Variants in TNN observed in about 807,000 individuals in gnomAD.
TNN encodes tenascin N, also known as tenascin-N.
Under a neutral mutation model 134.4 loss-of-function variants are expected in TNN, and 122 were observed. The ratio of observed to expected loss-of-function variants is 0.91; its 90% CI spans 0.78 to 1.06. TNN has a LOEUF of 1.06. Ranked by LOEUF, TNN falls within the 50% of genes least tolerant of loss-of-function variation. The pLI is 0.00. For missense variants in TNN, 1,739 were observed against 1,699.4 expected, an observed-to-expected ratio of 1.02 and a Z score of -0.41; for synonymous variants, 710 against 670.3, an observed-to-expected ratio of 1.06 and a Z score of -0.91.
chr1:175,133,410 T>C (rs1310867844), intron 15 of TNN, among the ~76,000 whole-genome samples: 1 of 152,246 alleles, frequency 6.6e-6, no homozygotes, highest in East Asian at 1.9e-4. Context: ...CAGCCCTTGC[T>C]AAAATCACCA....
chr1:175,100,693 A>G (rs1011256127), intron 9 of TNN, among the ~76,000 whole-genome samples: 2 of 94,492 alleles, frequency 2.1e-5, no homozygotes, highest in African/African-American at 1.5e-4. Flanking sequence ...AGGACAAAGA[A>G]ATGCTAGTTT....
rs374073829 is a variant in TNN at position 175,135,885 on chromosome 1, A to G, written c.3371A>G (p.Lys1124Arg). ...AACACTGGGCAGCTGGATTTCTTCA[A>G]GCGATGGAGGAGCTATGTGGAAGGC... ...RRNTGQLDFF[K>R]RWRSYVEGFG... The change falls in exon 16 of 19, where the codon AAG (lysine) becomes AGG (arginine). Residue 1124 changes from lysine (K) to arginine (R), a missense_variant. Transcript: ENST00000239462. 6.2e-7 allele frequency: 1 copy of G among 1,613,938 alleles called. No individual in the cohort carries two copies. The highest frequency in any genetic ancestry group is 8.5e-7 in the Non-Finnish European group (1 of 1,179,904).
rs869293406 is a variant in TNN at position 175,119,638 on chromosome 1, CT to C, written c.2650+830del. Among the ~76,000 whole-genome samples, 208 of 131,522 alleles carry C rather than the reference CT, an allele frequency of 1.6e-3. 1 individual carries two copies. The highest frequency in any genetic ancestry group is 3.8e-3 in the Middle Eastern group (1 of 262). The allele number at this position is 131,522 out of a possible 152,430, so 86.3% of individuals were successfully genotyped here. A position where few individuals can be genotyped will look rare whatever the true frequency, so the allele number is the denominator to read the frequency against. ...GCAGTCCCATGAATGCCTTTTTTTT[CT>C]TTTTTTTTTTTTTTTGAGACAGTCT... On this transcript the variant is annotated intron_variant, in intron 11 of 18. Coordinates refer to ENST00000239462, the MANE Select transcript of TNN (RefSeq NM_022093.2).
chr1:175,077,640 C>T lies in TNN; in HGVS notation c.222C>T (p.Ala74=). The T allele has an allele frequency of 6.2e-7, 1 of 1,614,200 alleles. No individual in the cohort carries two copies. The highest frequency in any genetic ancestry group is 8.5e-7 in the Non-Finnish European group (1 of 1,180,034). Residue 74 remains alanine (A), a synonymous_variant, in exon 2 of 19, where the codon GCC becomes GCT. Coordinates refer to ENST00000239462, the MANE Select transcript of TNN (RefSeq NM_022093.2). ...GTGACGATGGGGCTTCGCTCTTGGCCCTGGGGGAGGCCAGGGAGGAACAGA... is the reference window on the plus strand; with the variant it reads ...GTGACGATGGGGCTTCGCTCTTGGCTCTGGGGGAGGCCAGGGAGGAACAGA... ...PLSDDGASLL[A]LGEAREEQNI... is the part of the protein sequence containing the mutation.
chr1:175,124,918 A>G (rs1349918295), intron 12 of TNN, among the ~76,000 whole-genome samples: 1 of 152,146 alleles, frequency 6.6e-6, no homozygotes, highest in Non-Finnish European at 1.5e-5. Context: ...GAAGACAGCA[A>G]TAAAAAGATT....
At position 175,077,619 on chromosome 1, in the gene TNN, C is replaced by G; in HGVS notation, c.201C>G (p.Asp67Glu). The G allele has an allele frequency of 6.2e-7, 1 of 1,614,214 alleles. No individual in the cohort carries two copies. The highest frequency in any genetic ancestry group is 8.5e-7 in the Non-Finnish European group (1 of 1,180,034). ...QVDADPQPLS[D>E]DGASLLALGE... Reference sequence around the variant, plus strand: ...ACGCTGACCCTCAGCCCCTCAGTGACGATGGGGCTTCGCTCTTGGCCCTGG... The same window carrying G: ...ACGCTGACCCTCAGCCCCTCAGTGAGGATGGGGCTTCGCTCTTGGCCCTGG... The change falls in exon 2 of 19, where the codon GAC becomes GAG. Residue 67 changes from aspartate to glutamate, a missense_variant. Physicochemically the swap from Asp to Glu is conservative, Grantham distance 45. Coordinates refer to ENST00000239462, the MANE Select transcript of TNN (RefSeq NM_022093.2).
chr1:175,129,858 T>C (rs1203960996), intron 15 of TNN, among the ~76,000 whole-genome samples: 1 of 152,186 alleles, frequency 6.6e-6, no homozygotes, highest in East Asian at 1.9e-4. Flanking sequence ...CCAAGTTCTG[T>C]ACCCTGTCTC....
At chr1:175,144,735 G>A (rs1175640056) in intron 18 of TNN, among the ~76,000 whole-genome samples, 185 bp downstream of exon 18, 1 of 152,240 alleles carries the variant, frequency 6.6e-6, no homozygotes, top group African/African-American at 2.4e-5. Flanking sequence ...CCATGGCCCT[G>A]CTTGTTTTGC....
intron 7 of TNN, among the ~76,000 whole-genome samples, chr1:175,095,345 C>T (rs2149432050): frequency 6.6e-6 from 1 of 152,296 alleles, no homozygotes; most frequent in Non-Finnish European, 1.5e-5. Context: ...ATTGCAATTA[C>T]TTAACTCTGC....
chr1:175,094,310 T>C, intron 7 of TNN, 57 bp downstream of exon 7: 2 of 1,455,960 alleles, frequency 1.4e-6, no homozygotes, highest in Non-Finnish European at 1.8e-6. Flanking sequence ...AAGGTTGATT[T>C]TTGAATCAGG....
intron 1 of TNN, among the ~76,000 whole-genome samples, chr1:175,069,515 A>G (rs1391496494): frequency 6.6e-6 from 1 of 152,202 alleles, no homozygotes; most frequent in Non-Finnish European, 1.5e-5. Context: ...GTGGTTTGAA[A>G]TGTAGGGTGG....
At chr1:175,120,959 C>A (rs1021108079) in intron 11 of TNN, among the ~76,000 whole-genome samples, 1 of 152,098 alleles carries the variant, frequency 6.6e-6, no homozygotes, top group Admixed American at 6.5e-5. Flanking sequence ...TGCCACTAAA[C>A]CTGTAATTTT....
chr1:175,128,523 A>T, intron 14 of TNN, 72 bp from the exon 15 acceptor site: 1 of 1,489,022 alleles, frequency 6.7e-7, no homozygotes. Flanking sequence ...AAATTGCCTT[A>T]AAATAGGAAG....
At chr1:175,121,001 T>A (rs1675361098) in intron 11 of TNN, among the ~76,000 whole-genome samples, 2 of 152,188 alleles carry the variant, frequency 1.3e-5, no homozygotes, top group Admixed American at 6.5e-5. Context: ...TCTCACTGTG[T>A]TGAACTCCTG....
At chr1:175,134,281 C>G (rs761074090) in intron 15 of TNN, among the ~76,000 whole-genome samples, 4 of 152,144 alleles carry the variant, frequency 2.6e-5, no homozygotes, top group African/African-American at 9.7e-5. Flanking sequence ...CTTGGCCAGG[C>G]GCAGTGGCTC....
Position 175,098,555 on chromosome 1 carries a change from G to A in TNN, c.2079G>A (p.Gly693=), listed in dbSNP as rs2149433235. The change falls in exon 9 of 19, where the codon GGG becomes GGA. Residue 693 remains glycine (G), a synonymous_variant. Transcript: ENST00000239462. ...EYMVHVWAQK[G]DQESKKADTK... ...TGGTGCACGTGTGGGCCCAGAAGGG[G>A]GACCAGGAGAGCAAGAAGGCCGACA... The A allele has an allele frequency of 1.2e-6, 2 of 1,614,156 alleles. No individual in the cohort carries two copies. The highest frequency in any genetic ancestry group is 2.2e-5 in the East Asian group (1 of 44,878).
chr1:175,121,764 G>C (rs1675382766), intron 11 of TNN, among the ~76,000 whole-genome samples: 1 of 152,152 alleles, frequency 6.6e-6, no homozygotes, highest in Non-Finnish European at 1.5e-5. Flanking sequence ...TATGACCTGT[G>C]TTTTTTATTT....
chr1:175,131,840 G>A (rs954961385), intron 15 of TNN, among the ~76,000 whole-genome samples: 21 of 151,426 alleles, frequency 1.4e-4, no homozygotes, highest in Non-Finnish European at 1.3e-4. Context: ...GTATAGAACT[G>A]GTTCTGGTTC....
Position 175,147,387 on chromosome 1 carries a change from G to T in TNN, c.*316G>T, listed in dbSNP as rs1190570666. On this transcript the variant is annotated 3_prime_UTR_variant, in exon 19 of 19. Coordinates refer to ENST00000239462, the MANE Select transcript of TNN (RefSeq NM_022093.2). ...GAAGGAATCACCCAGCACTTCACCA[G>T]TTGGAAATCTCTGGAAATTTACATC... 1 of 248,356 alleles carries T rather than the reference G, an allele frequency of 4.0e-6. No individual in the cohort carries two copies. The highest frequency in any genetic ancestry group is 7.6e-6 in the Non-Finnish European group (1 of 131,732). 15.4% of individuals were successfully genotyped at this position (248,356 alleles called of 1,614,324 possible).
Sources: allele counts gnomAD v4.1 joint callset (sites outside exome capture counted in the v4.1 genomes callset), GRCh38; gene constraint gnomAD v4.1.1; transcripts MANE v1.5; gene names NCBI Gene and HGNC (gene_info 2026-07-23, HGNC 2026-07-21).